CAST: variants seen among roughly 807,000 people sequenced by gnomAD.
The protein encoded by CAST is calpastatin, also known as MIR583 host.
Under a neutral mutation model 119.6 loss-of-function variants are expected in CAST, and 76 were observed. The observed-to-expected ratio is 0.64, with a 90% CI of 0.53 to 0.77. The LOEUF is 0.77. CAST is among the 30% of genes least tolerant of loss of function. The pLI is 0.00. For synonymous variants in CAST, 319 were observed against 331.6 expected, an observed-to-expected ratio of 0.96 and a Z score of 0.41; for missense variants, 953 against 946.5, an observed-to-expected ratio of 1.01 and a Z score of -0.09.
At chr5:96,437,883 A>T in the CAST span, among the ~76,000 whole-genome samples, 1 of 152,168 alleles carries the variant, frequency 6.6e-6, no homozygotes, top group Non-Finnish European at 1.5e-5. Flanking sequence ...GATTGGCTGA[A>T]ATGGTTACAA....
At chr5:96,381,809 CT>C in the CAST span, among the ~76,000 whole-genome samples, 1 of 152,190 alleles carries the variant, frequency 6.6e-6, no homozygotes, top group Admixed American at 6.5e-5. Context: ...TGGCTTGTTT[CT>C]TTGTCTACCT....
chr5:96,234,828 A>ATG, the CAST span, among the ~76,000 whole-genome samples: 27 of 151,876 alleles, frequency 1.8e-4, no homozygotes, highest in Non-Finnish European at 3.7e-4. Context: ...GTATGTGTGT[A>ATG]TGTGTGTGTG....
At chr5:96,128,786 G>A in the CAST span, among the ~76,000 whole-genome samples, 99,724 of 151,804 alleles carry the variant, frequency 0.66, 33,203 homozygotes, top group African/African-American at 0.74. Context: ...AAGGACAGTA[G>A]AACTTGGTTT....
the CAST span, among the ~76,000 whole-genome samples, chr5:96,098,519 C>T: frequency 6.6e-6 from 1 of 152,210 alleles, no homozygotes; most frequent in South Asian, 2.1e-4. Context: ...AGGAAGGGGT[C>T]CAGTTTCAAT....
chr5:96,261,917 T>C, the CAST span, among the ~76,000 whole-genome samples: 1 of 152,264 alleles, frequency 6.6e-6, no homozygotes, highest in Non-Finnish European at 1.5e-5. Flanking sequence ...ATTCTTTTTA[T>C]GATCACATCT....
the CAST span, among the ~76,000 whole-genome samples, chr5:96,369,636 C>A: frequency 6.6e-6 from 1 of 152,086 alleles, no homozygotes; most frequent in Non-Finnish European, 1.5e-5. Flanking sequence ...AATCTCCTTT[C>A]TGATATTTAA....
the CAST span, among the ~76,000 whole-genome samples, chr5:96,117,955 C>T: frequency 5.9e-5 from 9 of 152,174 alleles, no homozygotes; most frequent in Non-Finnish European, 1.2e-4. Context: ...ACAAAAAGTT[C>T]TCTGTCTTTA....
chr5:96,722,157 T>A (rs1758393276), intron 3 of CAST, among the ~76,000 whole-genome samples: 1 of 152,196 alleles, frequency 6.6e-6, no homozygotes, highest in East Asian at 1.9e-4. Flanking sequence ...TACTGTACTT[T>A]GTATGTAAAT....
chr5:96,277,369 T>C, the CAST span, among the ~76,000 whole-genome samples: 13 of 152,218 alleles, frequency 8.5e-5, no homozygotes, highest in East Asian at 2.3e-3. Context: ...TTATATTGGT[T>C]TTTTTTTCCT....
At chr5:96,337,614 G>A in the CAST span, among the ~76,000 whole-genome samples, 1 of 152,326 alleles carries the variant, frequency 6.6e-6, no homozygotes, top group East Asian at 1.9e-4. Flanking sequence ...TGGATCTTCT[G>A]TAATGCAGGT....
chr5:96,405,528 A>G, the CAST span, among the ~76,000 whole-genome samples: 6 of 152,176 alleles, frequency 3.9e-5, no homozygotes, highest in Admixed American at 1.3e-4. Flanking sequence ...CAAATTAGCC[A>G]GGCATGGTGG....
the CAST span, among the ~76,000 whole-genome samples, chr5:96,395,792 A>C: frequency 5.9e-5 from 9 of 151,992 alleles, no homozygotes; most frequent in Non-Finnish European, 1.2e-4. Context: ...AAGTATAATA[A>C]AAAACTAAAT....
chr5:96,370,753 G>T, the CAST span, among the ~76,000 whole-genome samples: 1 of 152,212 alleles, frequency 6.6e-6, no homozygotes, highest in Non-Finnish European at 1.5e-5. Flanking sequence ...ACCTGATGTG[G>T]TGGAATTATG....
intron 1 of CAST, among the ~76,000 whole-genome samples, chr5:96,561,426 G>A (rs1746358961): frequency 6.6e-6 from 1 of 151,720 alleles, no homozygotes. Flanking sequence ...GGACATGGAT[G>A]AAGCTGGAAA....
chr5:96,394,459 A>G, the CAST span, among the ~76,000 whole-genome samples: 3 of 152,228 alleles, frequency 2.0e-5, no homozygotes, highest in African/African-American at 7.2e-5. Context: ...TTTCTGCAAA[A>G]TGGATACACG....
At chr5:96,761,719 T>TG (rs1217422423) in intron 24 of CAST, 1 of 152,936 alleles carries the variant, frequency 6.5e-6, no homozygotes, top group Non-Finnish European at 1.5e-5. Flanking sequence ...TATTTAACGT[T>TG]GAAAAAAAAC....
intron 1 of CAST, among the ~76,000 whole-genome samples, chr5:96,561,212 G>C (rs1371527404): frequency 8.0e-6 from 1 of 124,394 alleles, no homozygotes; most frequent in Non-Finnish European, 1.7e-5. Flanking sequence ...TGGGGTGGGG[G>C]GAGGGGAGAC....
chr5:96,107,135 T>C, the CAST span, among the ~76,000 whole-genome samples: 1 of 151,410 alleles, frequency 6.6e-6, no homozygotes, highest in African/African-American at 2.4e-5. Context: ...GTGAGATGGG[T>C]TTCCTGAATA....
intron 22 of CAST, among the ~76,000 whole-genome samples, chr5:96,755,736 G>A (rs1197016673): frequency 6.6e-6 from 1 of 152,216 alleles, no homozygotes; most frequent in Admixed American, 6.5e-5. Context: ...TGAACTATCC[G>A]TGATTGAAAG....
Sources: gnomAD v4.1 joint callset for allele counts (sites outside exome capture counted in the v4.1 genomes callset) on GRCh38, gnomAD v4.1.1 for gene constraint, MANE v1.5 for transcripts, NCBI Gene and HGNC (gene_info 2026-07-23, HGNC 2026-07-21) for gene names.